Variants in GLIS1 observed in about 807,000 individuals in gnomAD.
The protein encoded by GLIS1 is zinc finger protein GLIS1.
A neutral mutation model predicts 63.8 loss-of-function variants in GLIS1; 24 were observed. The observed-to-expected ratio is 0.38, with a 90% CI of 0.27 to 0.53. The LOEUF (loss-of-function observed/expected upper bound fraction) is 0.53, where lower values mean the gene tolerates loss of function less well. Among genes scored for constraint, GLIS1 ranks in the 20% least tolerant of loss-of-function variants. The probability of loss-of-function intolerance (pLI) is 0.85; values close to 1 mark genes in which losing one functional copy is unlikely to be tolerated. For missense variants in GLIS1, 1,036 were observed against 1,074.1 expected, an observed-to-expected ratio of 0.96 and a Z score of 0.50; for synonymous variants, 450 against 482.5, an observed-to-expected ratio of 0.93 and a Z score of 0.88.
intron 3 of GLIS1, among the ~76,000 whole-genome samples, chr1:53,599,616 C>G (rs148463339): frequency 6.6e-6 from 1 of 152,242 alleles, no homozygotes; most frequent in South Asian, 2.1e-4. Flanking sequence ...CTGTAGGAGG[C>G]GGGCGTCAGC....
intron 2 of GLIS1, among the ~76,000 whole-genome samples, chr1:53,707,216 T>A (rs923062902): frequency 6.6e-6 from 1 of 151,938 alleles, no homozygotes; most frequent in African/African-American, 2.4e-5. Flanking sequence ...AAGGATGAGG[T>A]ATGGGAAGTC....
At chr1:53,729,871 G>C (rs577996380) in intron 2 of GLIS1, among the ~76,000 whole-genome samples, 2 of 152,136 alleles carry the variant, frequency 1.3e-5, no homozygotes, top group African/African-American at 2.4e-5. Context: ...TTTGTTTCGC[G>C]CTGGAAATGC....
intron 4 of GLIS1, among the ~76,000 whole-genome samples, chr1:53,562,697 C>T (rs1239600154): frequency 6.6e-6 from 1 of 152,178 alleles, no homozygotes; most frequent in African/African-American, 2.4e-5. Context: ...CGTATCAACA[C>T]TATTAGAACA....
intron 4 of GLIS1, among the ~76,000 whole-genome samples, chr1:53,559,408 T>C (rs1644863192): frequency 6.6e-6 from 1 of 152,164 alleles, no homozygotes; most frequent in Non-Finnish European, 1.5e-5. Context: ...TCCTGGGTCC[T>C]GGCCTTCACC....
chr1:53,661,101 G>C (rs1646023676), intron 2 of GLIS1, among the ~76,000 whole-genome samples: 1 of 152,224 alleles, frequency 6.6e-6, no homozygotes, highest in African/African-American at 2.4e-5. Flanking sequence ...AGCACTGCCT[G>C]GCTCATAGGA....
rs965610810 is a variant in GLIS1 at position 53,574,611 on chromosome 1, G to T, written c.1320+19497C>A. ...GCAAGCCCTGGGGACTAGTTTTGGG[G>T]AAGAAGTTTCTCACCCTTTCTCTGC... On this transcript the variant is annotated intron_variant, in intron 4 of 10. Transcript: ENST00000628545. The surrounding 1 kb of genome is among the most constrained non-coding windows in gnomAD (Gnocchi z 4.2). Among the ~76,000 whole-genome samples, 2 of 152,206 alleles carry T rather than the reference G, an allele frequency of 1.3e-5. No homozygotes were observed. The highest frequency in any genetic ancestry group is 4.8e-5 in the African/African-American group (2 of 41,450).
At chr1:53,528,072 G>A (rs1050187825) in intron 5 of GLIS1, among the ~76,000 whole-genome samples, 16 of 152,172 alleles carry the variant, frequency 1.1e-4, no homozygotes, top group African/African-American at 3.9e-4. Flanking sequence ...CTGGCTTGTG[G>A]CCTCTGGGAG....
Position 53,574,765 on chromosome 1 carries a change from C to T in GLIS1, c.1320+19343G>A, listed in dbSNP as rs1178307259. Among the ~76,000 whole-genome samples, 3 of 152,224 alleles carry T rather than the reference C, an allele frequency of 2.0e-5. No homozygotes were observed. Among genetic ancestry groups the T allele is most frequent in the Non-Finnish European group, 4.4e-5 (3 of 68,044 alleles). On this transcript the variant is annotated intron_variant, in intron 4 of 10. Coordinates refer to ENST00000628545, the MANE Select transcript of GLIS1 (RefSeq NM_001367484.1). The surrounding 1 kb of genome is among the most constrained non-coding windows in gnomAD (Gnocchi z 4.2). ...TACCATTAGCAAGGGGCACTGTGAT[C>T]CTCATGGGGCCATGGGGTCTAGCTG...
At chr1:53,645,462 A>T (rs1402032104) in intron 2 of GLIS1, among the ~76,000 whole-genome samples, 2 of 152,116 alleles carry the variant, frequency 1.3e-5, no homozygotes, top group Non-Finnish European at 2.9e-5. Context: ...AACAGTTGTG[A>T]CACCCAGCAG....
At chr1:53,690,086 G>T (rs941935998) in intron 2 of GLIS1, among the ~76,000 whole-genome samples, 1 of 152,226 alleles carries the variant, frequency 6.6e-6, no homozygotes, top group African/African-American at 2.4e-5. Flanking sequence ...TGCCCCCTCT[G>T]CTGTGAGCAC....
At chr1:53,603,576 C>T (rs1043164332) in intron 2 of GLIS1, among the ~76,000 whole-genome samples, 1 of 152,222 alleles carries the variant, frequency 6.6e-6, no homozygotes, top group African/African-American at 2.4e-5. Flanking sequence ...GTCTTGCCTC[C>T]CTGTCCCCAG....
rs1553122032 is a variant in GLIS1, at chr1:53,539,552, C to CA, written c.1321-9601_1321-9600insT. On this transcript the variant is annotated intron_variant, in intron 4 of 10. Transcript: ENST00000628545. This position sits in a 1 kb window ranked among gnomAD's most constrained non-coding sequence, Gnocchi z 5.0. ...CACATACCACACGGTATACACCCCC[C>CA]CACACACACTACACATCATACACAT... Among the ~76,000 whole-genome samples the CA allele has an allele frequency of 2.7e-4, 41 of 150,566 alleles. No individual in the cohort carries two copies. The highest frequency in any genetic ancestry group is 1.4e-3 in the East Asian group (7 of 5,118).
chr1:53,532,250 T>C (rs907512548), intron 4 of GLIS1, among the ~76,000 whole-genome samples: 8 of 152,034 alleles, frequency 5.3e-5, no homozygotes, highest in South Asian at 4.2e-4. Context: ...AAGATGGCAA[T>C]TGTAGCAGTT....
Position 53,705,811 on chromosome 1 carries a change from C to T in GLIS1, c.259+31995G>A, listed in dbSNP as rs116484919. Among the ~76,000 whole-genome samples, 346 of 152,278 alleles carry T rather than the reference C, an allele frequency of 2.3e-3. 3 individuals are homozygous for T. Among genetic ancestry groups the T allele is most frequent in the African/African-American group, 7.3e-3 (302 of 41,546 alleles). The stretch of plus-strand genomic sequence containing the variant: ...ACCCAAATCCTTTAATTAGCCTCTG[C>T]GGAAAGACTCCCAATTAGGCTAATC... On this transcript the variant is annotated intron_variant, in intron 2 of 10. Transcript: ENST00000628545.
chr1:53,622,547 A>G (rs1255319738), intron 2 of GLIS1, among the ~76,000 whole-genome samples: 1 of 152,174 alleles, frequency 6.6e-6, no homozygotes, highest in Admixed American at 6.5e-5. Flanking sequence ...CAATGAAGTT[A>G]AGGATTTTAA....
chr1:53,602,031 G>A (rs934940421), intron 2 of GLIS1, among the ~76,000 whole-genome samples: 8 of 152,108 alleles, frequency 5.3e-5, no homozygotes, highest in African/African-American at 1.7e-4. Context: ...AGCCACACGC[G>A]AGCCCGTGGA....
chr1:53,513,414 G>T (rs943516), intron 8 of GLIS1, among the ~76,000 whole-genome samples: 121,984 of 152,034 alleles, frequency 0.8, 50,340 homozygotes, highest in East Asian at 0.99. Flanking sequence ...TGGCGACATC[G>T]CTCCCAAGTT....
In GLIS1 at chr1:53,665,702, T is replaced by C. The variant is rs534083168; in HGVS notation, c.260-65424A>G. Among the ~76,000 whole-genome samples the C allele has an allele frequency of 9.2e-5, 14 of 152,256 alleles. No individual in the cohort carries two copies. In the South Asian group the frequency reaches 2.1e-3, roughly 23 times the overall value. ...ACAAACCCTGGGGCATGGGTACTTA[T>C]AGACGAAGAATCAGCAGAAGTGAGT... On this transcript the variant is annotated intron_variant, in intron 2 of 10. Coordinates refer to ENST00000628545, the MANE Select transcript of GLIS1 (RefSeq NM_001367484.1).
At position 53,598,105 on chromosome 1, in the gene GLIS1, A is replaced by T. The variant is rs765026812; in HGVS notation, c.437+1996T>A. Among the ~76,000 whole-genome samples the T allele has an allele frequency of 6.6e-6, 1 of 152,170 alleles. No individual in the cohort carries two copies. The highest frequency in any genetic ancestry group is 1.5e-5 in the Non-Finnish European group (1 of 68,032). The stretch of plus-strand genomic sequence containing the variant: ...ATAAGACGCTTGCTCCTTGCTATGG[A>T]CTGATTTGTGTCCCCCCAAAATTTA... On this transcript the variant is annotated intron_variant, in intron 3 of 10. Transcript: ENST00000628545. This position sits in a 1 kb window ranked among gnomAD's most constrained non-coding sequence, Gnocchi z 4.6.
Sources: allele counts gnomAD v4.1 joint callset (sites outside exome capture counted in the v4.1 genomes callset), GRCh38; gene constraint gnomAD v4.1.1; non-coding constraint Gnocchi (gnomAD v3.1); transcripts MANE v1.5; gene names NCBI Gene and HGNC (gene_info 2026-07-23, HGNC 2026-07-21).